RNFT1: variants seen among roughly 807,000 people sequenced by gnomAD.
RNFT1 encodes the protein ring finger protein, transmembrane 1, also known as E3 ubiquitin-protein ligase RNFT1.
RNFT1 carries 35 observed loss-of-function variants against 53.2 expected under a neutral mutation model. The ratio of observed to expected loss-of-function variants is 0.66; its 90% CI spans 0.50 to 0.87. The LOEUF (loss-of-function observed/expected upper bound fraction) is 0.87. Among genes scored for constraint, RNFT1 ranks in the 40% least tolerant of loss-of-function variants. RNFT1 has a pLI of 0.00. For synonymous variants in RNFT1, 141 were observed against 172.8 expected (o/e 0.82, Z 1.44); for missense variants, 421 against 515.0 (o/e 0.82, Z 1.77).
rs75421338 is a variant in RNFT1 at position 59,964,722 on chromosome 17, T to C, written c.-59A>G. On this transcript the variant is annotated 5_prime_UTR_variant, in exon 1 of 9. Coordinates refer to ENST00000305783, the MANE Select transcript of RNFT1 (RefSeq NM_016125.4). ...ACCGCAAACCCCGCAAGCTCTTCTC[T>C]CAGCCCGGCGGCAACGGCGGCGGCG... is the stretch of plus-strand genomic sequence containing the variant. 34,370 of 1,512,496 alleles carry C rather than the reference T, an allele frequency of 0.023. 473 individuals carry two copies. Among genetic ancestry groups the C allele is most frequent in the South Asian group, 0.032 (2,569 of 80,118 alleles). 93.7% of individuals were successfully genotyped at this position (1,512,496 alleles called of 1,614,324 possible). A position where few individuals can be genotyped will look rare whatever the true frequency, so the allele number is the denominator to read the frequency against.
rs193274795 is a variant in RNFT1 at position 59,958,110 on chromosome 17, A to G, written c.846+181T>C. On this transcript the variant is annotated intron_variant, in intron 5 of 8. Coordinates refer to ENST00000305783, the MANE Select transcript of RNFT1 (RefSeq NM_016125.4). ...GCAAATATAATTCTGATTTTATCCA[A>G]ATAGGTTAATAATCAGGTTCAAGTG... Among the ~76,000 whole-genome samples, 97 of 152,338 alleles carry G rather than the reference A, an allele frequency of 6.4e-4. 1 individual carries two copies. Among genetic ancestry groups the G allele is most frequent in the African/African-American group, 2.3e-3 (94 of 41,576 alleles).
At position 59,952,935 on chromosome 17, in the gene RNFT1, C is replaced by T. The variant is rs925589742; in HGVS notation, c.*42G>A. The T allele has an allele frequency of 4.4e-6, 7 of 1,579,790 alleles. No individual in the cohort carries two copies. The African/African-American group carries it at 6.8e-5, about 15-fold the overall frequency. ...ATGCCTTATCAGTAGTCATTATGACCAAATGACATTAGTATTTTGTGGCCT... is the reference window on the plus strand; with the variant it reads ...ATGCCTTATCAGTAGTCATTATGACTAAATGACATTAGTATTTTGTGGCCT... On this transcript the variant is annotated 3_prime_UTR_variant, in exon 9 of 9. Transcript: ENST00000305783.
intron 3 of RNFT1, among the ~76,000 whole-genome samples, chr17:59,961,311 T>G (rs1351061495): frequency 6.6e-6 from 1 of 152,202 alleles, no homozygotes; most frequent in Non-Finnish European, 1.5e-5. Flanking sequence ...GTGCTGAGAT[T>G]ACAGGCATGA....
chr17:59,959,046 A>C (rs2045271123), intron 4 of RNFT1, among the ~76,000 whole-genome samples: 1 of 152,126 alleles, frequency 6.6e-6, no homozygotes, highest in Non-Finnish European at 1.5e-5. Flanking sequence ...GTTTTTAAAT[A>C]TCAACCATAT....
At chr17:59,964,063 G>A (rs914964479) in intron 1 of RNFT1, among the ~76,000 whole-genome samples, 10 of 152,176 alleles carry the variant, frequency 6.6e-5, no homozygotes, top group South Asian at 6.2e-4. Flanking sequence ...GAGGAAAGAG[G>A]ACTCTAGCAG....
intron 3 of RNFT1, among the ~76,000 whole-genome samples, chr17:59,961,335 G>GC (rs2045290685): frequency 6.6e-6 from 1 of 152,156 alleles, no homozygotes; most frequent in South Asian, 2.1e-4. Flanking sequence ...ACTGTGCCTT[G>GC]CCTGTAATCT....
At chr17:59,958,692 C>T (rs1032308796) in intron 4 of RNFT1, 2 of 536,592 alleles carry the variant, frequency 3.7e-6, no homozygotes. Flanking sequence ...ATAGTTGACA[C>T]CTTTCTAGCC....
At position 59,952,247 on chromosome 17, in the gene RNFT1, T is replaced by C. The variant is rs191962499; in HGVS notation, c.*730A>G. ...CATCAAGTAAGCCAGCTGTTTATAATCCACATGAATTATTTTAATAGTTAC... is the reference window on the plus strand; with the variant it reads ...CATCAAGTAAGCCAGCTGTTTATAACCCACATGAATTATTTTAATAGTTAC... On this transcript the variant is annotated 3_prime_UTR_variant, in exon 9 of 9. Coordinates refer to ENST00000305783, the MANE Select transcript of RNFT1 (RefSeq NM_016125.4). 6.6e-6 allele frequency: 1 copy of C among 152,234 alleles called. No individual in the cohort carries two copies. Among genetic ancestry groups the C allele is most frequent in the African/African-American group, 2.4e-5 (1 of 41,522 alleles). 9.4% of individuals were successfully genotyped at this position (152,234 alleles called of 1,614,324 possible).
At chr17:59,955,036 A>C (rs561074369) in intron 7 of RNFT1, among the ~76,000 whole-genome samples, 217 of 152,314 alleles carry the variant, frequency 1.4e-3, no homozygotes, top group Non-Finnish European at 1.0e-3. Flanking sequence ...TTCTGTAGAA[A>C]TGATGGGGAA....
rs373016769 is a variant in RNFT1 at position 59,962,830 on chromosome 17, T to C, written c.511A>G (p.Thr171Ala). 1 of 1,609,390 alleles carries C rather than the reference T, an allele frequency of 6.2e-7. No individual in the cohort carries two copies. Among genetic ancestry groups the C allele is most frequent in the African/African-American group, 1.3e-5 (1 of 74,854 alleles). ...TCAATGTTTTATTATGTCCTACCTG[T>C]TATATGCTGCATAACAAGTTTGACG... ...LSVKLVMQHI[T>A]GISLGIGLLT... The change falls in exon 2 of 9, where the codon ACA becomes GCA. Residue 171 changes from threonine (T) to alanine (A), a missense_variant. By Grantham distance (58) the Thr-to-Ala change is moderately conservative (BLOSUM62 0). Transcript: ENST00000305783.
At position 59,964,593 on chromosome 17, in the gene RNFT1, TC is replaced by T; in HGVS notation, c.56+14del. The T allele has an allele frequency of 1.3e-6, 2 of 1,590,436 alleles. No individual in the cohort carries two copies. The highest frequency in any genetic ancestry group is 2.3e-5 in the South Asian group (2 of 87,578). On this transcript the variant is annotated intron_variant, in intron 1 of 8. Coordinates refer to ENST00000305783, the MANE Select transcript of RNFT1 (RefSeq NM_016125.4). ...CTCGCCGCCTCCTCCTCTGCCCGCT[TC>T]CCCCAGGCCTAACCTCTCATGACCA...
intron 3 of RNFT1, among the ~76,000 whole-genome samples, chr17:59,961,539 G>A (rs1221907403): frequency 2.0e-5 from 3 of 151,754 alleles, no homozygotes; most frequent in African/African-American, 4.8e-5. Flanking sequence ...TGACGGGCTC[G>A]TGTAACTTAT....
rs376198298 is a variant in RNFT1, at chr17:59,962,856, C to G, written c.485G>C (p.Ser162Thr). Reference protein sequence around the residue: ...QKSLPYILILSVKLVMQHITG... With the variant: ...QKSLPYILILTVKLVMQHITG... ...TATATGCTGCATAACAAGTTTGACG[C>G]TCAGAATCAAAATATATGGAAGACT... Residue 162 changes from serine to threonine, a missense_variant, in exon 2 of 9, where the codon AGC becomes ACC. Coordinates refer to ENST00000305783, the MANE Select transcript of RNFT1 (RefSeq NM_016125.4). 3.1e-6 allele frequency: 5 copies of G among 1,612,294 alleles called. No homozygotes were observed. The African/African-American group carries it at 6.7e-5, about 22-fold the overall frequency.
Position 59,953,026 on chromosome 17 carries a change from A to G in RNFT1, c.1259T>C (p.Ile420Thr). 1 of 1,613,564 alleles carries G rather than the reference A, an allele frequency of 6.2e-7. No individual in the cohort carries two copies. Among genetic ancestry groups the G allele is most frequent in the Non-Finnish European group, 8.5e-7 (1 of 1,179,650 alleles). The change falls in exon 9 of 9, where the codon ATA (isoleucine) becomes ACA (threonine). Residue 420 changes from isoleucine (I) to threonine (T), a missense_variant. Coordinates refer to ENST00000305783, the MANE Select transcript of RNFT1 (RefSeq NM_016125.4). Reference protein sequence around the residue: ...PLCRTVISDHINKWKDGATSS... With the variant: ...PLCRTVISDHTNKWKDGATSS... Reference sequence around the variant, plus strand: ...AGTGGCTCCATCCTTCCATTTGTTTATATGGTCTGAAATCACAGTTCTGCA... The same window carrying G: ...AGTGGCTCCATCCTTCCATTTGTTTGTATGGTCTGAAATCACAGTTCTGCA...
At chr17:59,956,343 A>C in intron 7 of RNFT1, 145 bp downstream of exon 7, 1 of 629,122 alleles carries the variant, frequency 1.6e-6, no homozygotes, top group South Asian at 1.9e-5. Flanking sequence ...TATAGCCCCA[A>C]GTGCCAAAGT....
At chr17:59,953,945 TAG>T (rs1050918856) in intron 8 of RNFT1, 98 bp downstream of exon 8, 1 of 704,210 alleles carries the variant, frequency 1.4e-6, no homozygotes, top group East Asian at 2.9e-5. Context: ...CACTAAACAC[TAG>T]ATTTTTTTTT....
chr17:59,958,072 A>G (rs2045265315), intron 5 of RNFT1, among the ~76,000 whole-genome samples: 1 of 152,246 alleles, frequency 6.6e-6, no homozygotes, highest in Non-Finnish European at 1.5e-5. Flanking sequence ...ACTGATTTTA[A>G]AATTATTCTG....
In RNFT1 at chr17:59,958,553, GA is replaced by G. The variant is rs1290059295; in HGVS notation, c.693-110del. On this transcript the variant is annotated intron_variant, in intron 4 of 8. Transcript: ENST00000305783. Reference sequence around the variant, plus strand: ...TTTTATTTTGATATGTAAAAAATATGAGTTTGGCAGGATGTCAGAGTTCACA... The same window carrying G: ...TTTTATTTTGATATGTAAAAAATATGGTTTGGCAGGATGTCAGAGTTCACA... The G allele has an allele frequency of 3.3e-6, 3 of 917,602 alleles. No individual in the cohort carries two copies. The African/African-American group carries it at 5.1e-5, about 16-fold the overall frequency. The allele number at this position is 917,602 out of a possible 1,614,324, so 56.8% of individuals were successfully genotyped here.
At chr17:59,957,812 T>C (rs187439271) in intron 5 of RNFT1, among the ~76,000 whole-genome samples, 334 of 151,976 alleles carry the variant, frequency 2.2e-3, no homozygotes, top group African/African-American at 7.8e-3. Flanking sequence ...ACCACTGCAC[T>C]CCAGCCTGGG....
Sources: gnomAD v4.1 joint callset for allele counts (sites outside exome capture counted in the v4.1 genomes callset) on GRCh38, gnomAD v4.1.1 for gene constraint, MANE v1.5 for transcripts, NCBI Gene and HGNC (gene_info 2026-07-23, HGNC 2026-07-21) for gene names.